Variants in FXYD1 observed in about 807,000 individuals in gnomAD.
FXYD1 encodes phospholemman.
In FXYD1, 9 loss-of-function variants were observed where a neutral mutation model predicts 17.2. The ratio of observed to expected loss-of-function variants is 0.52; its 90% confidence interval spans 0.32 to 0.91. FXYD1 has a LOEUF of 0.91. FXYD1 is among the 40% of genes least tolerant of loss of function. The pLI, the probability that FXYD1 is intolerant of heterozygous loss-of-function variation, is 0.04. For synonymous variants in FXYD1, 55 were observed against 45.8 expected (o/e 1.20, Z -0.81); for missense variants, 113 against 120.6 (o/e 0.94, Z 0.29).
chr19:35,141,666 C>T, intron 5 of FXYD1, 94 bp downstream of exon 5: 1 of 988,364 alleles, frequency 1.0e-6, no homozygotes, highest in Admixed American at 2.2e-5. Flanking sequence ...AGCCCGATCC[C>T]CGTCAGCGAC....
chr19:35,141,269 C>T (rs1410985044), intron 4 of FXYD1, 63 bp downstream of exon 4: 1 of 360,048 alleles, frequency 2.8e-6, no homozygotes. Flanking sequence ...TCTCTGGCCC[C>T]GCCTCTCCCT....
At position 35,142,752 on chromosome 19, in the gene FXYD1, G is replaced by T; in HGVS notation, c.*10G>T. 4 of 1,613,138 alleles carry T rather than the reference G, an allele frequency of 2.5e-6. No homozygotes were observed. Among genetic ancestry groups the T allele is most frequent in the Non-Finnish European group, 1.7e-6 (2 of 1,179,420 alleles). The stretch of plus-strand genomic sequence containing the variant: ...CACCCGCAGGCGGTAGAAACACCTG[G>T]AGCGATGGAATCCGGCCAGGTGCTG... On this transcript the variant is annotated 3_prime_UTR_variant, in exon 7 of 8. Coordinates refer to ENST00000351325, the MANE Select transcript of FXYD1 (RefSeq NM_021902.4).
At chr19:35,140,237 G>T in intron 2 of FXYD1, 97 bp downstream of exon 2, 1 of 774,946 alleles carries the variant, frequency 1.3e-6, no homozygotes, top group Non-Finnish European at 2.3e-6. Flanking sequence ...AGACTAAGTC[G>T]GCTGGGGTAC....
intron 7 of FXYD1, 39 bp downstream of exon 7, chr19:35,142,810 G>T: frequency 6.5e-7 from 1 of 1,528,520 alleles, no homozygotes; most frequent in Non-Finnish European, 9.0e-7. Context: ...GGGAAGGAGG[G>T]AGGAAGGAAA....
In FXYD1 at chr19:35,142,774, G is replaced by A; in HGVS notation, c.*29+3G>A. The A allele has an allele frequency of 6.2e-7, 1 of 1,608,906 alleles. No individual in the cohort carries two copies. The highest frequency in any genetic ancestry group is 8.5e-7 in the Non-Finnish European group (1 of 1,176,008). Reference sequence around the variant, plus strand: ...CTGGAGCGATGGAATCCGGCCAGGTGCTGCAGCTCTGACACGGCGGTGGGA... The same window carrying A: ...CTGGAGCGATGGAATCCGGCCAGGTACTGCAGCTCTGACACGGCGGTGGGA... On this transcript the variant is annotated splice_donor_region_variant and intron_variant, in intron 7 of 7. Coordinates refer to ENST00000351325, the MANE Select transcript of FXYD1 (RefSeq NM_021902.4).
chr19:35,142,793 G>T, intron 7 of FXYD1, 22 bp downstream of exon 7: 1 of 1,584,492 alleles, frequency 6.3e-7, no homozygotes, highest in Non-Finnish European at 8.7e-7. Flanking sequence ...CTGACACGGC[G>T]GTGGGAGGGA....
In FXYD1 at chr19:35,141,579, C is replaced by A; in HGVS notation, c.206+7C>A. ...AGTTCAACCAGCAGCAGAGGTAAGACGCCCCTCCCCGCCCTCCTTCGCCCG... is the reference window on the plus strand; with the variant it reads ...AGTTCAACCAGCAGCAGAGGTAAGAAGCCCCTCCCCGCCCTCCTTCGCCCG... On this transcript the variant is annotated splice_region_variant and intron_variant, in intron 5 of 7. Coordinates refer to ENST00000351325, the MANE Select transcript of FXYD1 (RefSeq NM_021902.4). The A allele has an allele frequency of 1.2e-6, 2 of 1,606,792 alleles. No individual in the cohort carries two copies. Among genetic ancestry groups the A allele is most frequent in the African/African-American group, 1.3e-5 (1 of 74,808 alleles).
intron 2 of FXYD1, 147 bp from the exon 3 acceptor site, chr19:35,140,450 G>A: frequency 1.4e-6 from 1 of 739,376 alleles, no homozygotes; most frequent in Non-Finnish European, 2.4e-6. Context: ...TGCAGAGGGG[G>A]CAGCTGGGAC....
chr19:35,143,049 G>C lies in FXYD1; in HGVS notation c.*162G>C. On this transcript the variant is annotated 3_prime_UTR_variant, in exon 8 of 8. Transcript: ENST00000351325. The surrounding 1 kb of genome is among the most constrained non-coding windows in gnomAD (Gnocchi z 4.3). Reference sequence around the variant, plus strand: ...TTCCAATAAAACGTGCGTTCCTCTCGACAGCACTTTGTCGGTCTCGGTCCC... The same window carrying C: ...TTCCAATAAAACGTGCGTTCCTCTCCACAGCACTTTGTCGGTCTCGGTCCC... 9.0e-6 allele frequency: 5 copies of C among 554,096 alleles called. 1 individual carries two copies. The South Asian group carries it at 1.1e-4, about 12-fold the overall frequency. 34.3% of individuals were successfully genotyped at this position (554,096 alleles called of 1,614,324 possible). A position where few individuals can be genotyped will look rare whatever the true frequency, so the allele number is the denominator to read the frequency against.
rs1416427185 is a variant in FXYD1 at position 35,141,196 on chromosome 19, C to T, written c.159C>T (p.Leu53=). ...IAGILFILGI[L]IVLSRRCRCK... The stretch of plus-strand genomic sequence containing the variant: ...GGATCCTCTTCATCCTGGGCATCCT[C>T]ATCGTGCTGAGTGAGTGCCCCTAGC... The change falls in exon 4 of 8, where the codon CTC becomes CTT. Residue 53 remains leucine, a synonymous_variant. Transcript: ENST00000351325. The T allele has an allele frequency of 6.2e-7, 1 of 1,603,674 alleles. No individual in the cohort carries two copies. The highest frequency in any genetic ancestry group is 8.5e-7 in the Non-Finnish European group (1 of 1,171,578).
At chr19:35,142,682 C>G in intron 6 of FXYD1, 38 bp from the exon 7 acceptor site, 1 of 1,610,246 alleles carries the variant, frequency 6.2e-7, no homozygotes, top group Non-Finnish European at 8.5e-7. Context: ...CTGGGGATGC[C>G]TCTCCAGAAT....
At position 35,141,203 on chromosome 19, in the gene FXYD1, C is replaced by T. The variant is rs750251427; in HGVS notation, c.166C>T (p.Leu56=). ...CTTCATCCTGGGCATCCTCATCGTG[C>T]TGAGTGAGTGCCCCTAGCTCCCGCC... ...ILFILGILIV[L]SRRCRCKFNQ... is the part of the protein sequence containing the mutation. The change falls in exon 4 of 8, where the codon CTG becomes TTG. Residue 56 remains leucine, a synonymous_variant. Transcript: ENST00000351325. 4 of 1,595,542 alleles carry T rather than the reference C, an allele frequency of 2.5e-6. No homozygotes were observed. In the South Asian group the frequency reaches 4.4e-5, roughly 18 times the overall value.
rs1344956797 is a variant in FXYD1 at position 35,140,810 on chromosome 19, T to C, written c.94+181T>C. 5 of 616,662 alleles carry C rather than the reference T, an allele frequency of 8.1e-6. No individual in the cohort carries two copies. In the African/African-American group the frequency reaches 9.2e-5, roughly 11 times the overall value. The allele number at this position is 616,662 out of a possible 1,614,324, so 38.2% of individuals were successfully genotyped here. On this transcript the variant is annotated intron_variant, in intron 3 of 7. Coordinates refer to ENST00000351325, the MANE Select transcript of FXYD1 (RefSeq NM_021902.4). ...CTTTTCCTGTCTGTGTCTATCTGTGTCACTGTCTATGTGATACCTCTCTGG... is the reference window on the plus strand; with the variant it reads ...CTTTTCCTGTCTGTGTCTATCTGTGCCACTGTCTATGTGATACCTCTCTGG...
intron 1 of FXYD1, chr19:35,139,332 C>T (rs2065228946): frequency 6.5e-6 from 1 of 153,142 alleles, no homozygotes; most frequent in African/African-American, 2.4e-5. Context: ...TTTTCTATCT[C>T]TAAGGCCCAC....
chr19:35,142,566 C>T, intron 6 of FXYD1, 45 bp downstream of exon 6: 2 of 1,584,710 alleles, frequency 1.3e-6, no homozygotes, highest in Non-Finnish European at 1.7e-6. Context: ...AGGGCTGGTT[C>T]CAAGGACCGC....
chr19:35,142,810 GAGGA>G, intron 7 of FXYD1, 39 bp downstream of exon 7: 1 of 1,528,518 alleles, frequency 6.5e-7, no homozygotes. Flanking sequence ...GGGAAGGAGG[GAGGA>G]AGGAAAGGCG....
Position 35,140,638 on chromosome 19 carries a change from G to A in FXYD1, c.94+9G>A, listed in dbSNP as rs1485604690. 1.2e-6 allele frequency: 2 copies of A among 1,613,124 alleles called. No individual in the cohort carries two copies. Among genetic ancestry groups the A allele is most frequent in the African/African-American group, 1.3e-5 (1 of 74,934 alleles). ...CGACCCGTTCACTTACGGTGAGCGGGGGGTCTAATTTTGAGTCCTGGGGGA... is the reference window on the plus strand; with the variant it reads ...CGACCCGTTCACTTACGGTGAGCGGAGGGTCTAATTTTGAGTCCTGGGGGA... On this transcript the variant is annotated intron_variant, in intron 3 of 7. Transcript: ENST00000351325.
chr19:35,140,662 G>GA (rs757381469), intron 3 of FXYD1, 33 bp downstream of exon 3: 1 of 1,603,326 alleles, frequency 6.2e-7, no homozygotes, highest in South Asian at 1.1e-5. Context: ...AGTCCTGGGG[G>GA]AGAGCCTGGC....
intron 6 of FXYD1, 78 bp from the exon 7 acceptor site, chr19:35,142,642 G>T: frequency 1.3e-6 from 2 of 1,536,664 alleles, no homozygotes; most frequent in South Asian, 2.3e-5. Context: ...GCGGGGAGTT[G>T]CCCCGCCGCG....
Sources: allele counts gnomAD v4.1 joint callset, GRCh38; gene constraint gnomAD v4.1.1; non-coding constraint Gnocchi (gnomAD v3.1); transcripts MANE v1.5; gene names NCBI Gene and HGNC (gene_info 2026-07-23, HGNC 2026-07-21).